The following CMTM8 variants were observed in gnomAD, a reference collection of about 807,000 sequenced individuals.
The protein encoded by CMTM8 is CKLF like MARVEL transmembrane domain containing 8.
CMTM8 carries 12 observed loss-of-function variants against 18.6 expected under a neutral mutation model. That is an observed-to-expected ratio of 0.65 (90% confidence interval 0.41 to 1.05). CMTM8 has a LOEUF of 1.05. Among genes scored for constraint, CMTM8 ranks in the 50% least tolerant of loss-of-function variants. The pLI, the probability that CMTM8 is intolerant of heterozygous loss-of-function variation, is 0.00. For missense variants in CMTM8, 217 were observed against 227.2 expected (o/e 0.95, Z 0.29); for synonymous variants, 87 against 90.6 (o/e 0.96, Z 0.23).
In CMTM8 at chr3:32,249,030, C is replaced by CTTTTTTTTTTT. The variant is rs58156524; in HGVS notation, c.147+9929_147+9939dup. Among the ~76,000 whole-genome samples, 2 of 62,456 alleles carry CTTTTTTTTTTT rather than the reference C, an allele frequency of 3.2e-5. 1 individual carries two copies. 41.0% of individuals were successfully genotyped at this position (62,456 alleles called of 152,430 possible). ...ATGGAGTTACTGGGTAATGTGGAAT[C>CTTTTTTTTTTT]TTTTTTTTTTTTTTTTTTTTTTTTT... On this transcript the variant is annotated intron_variant, in intron 1 of 3. Coordinates refer to ENST00000307526, the MANE Select transcript of CMTM8 (RefSeq NM_178868.5).
intron 1 of CMTM8, chr3:32,259,740 A>G (rs571250085): frequency 1.2e-4 from 117 of 972,872 alleles, no homozygotes; most frequent in Middle Eastern, 5.7e-4. Flanking sequence ...GAGGAGCTGG[A>G]CAAGTACTGG....
chr3:32,354,215 A>C (rs1165988730), intron 1 of CMTM8, among the ~76,000 whole-genome samples: 1 of 152,162 alleles, frequency 6.6e-6, no homozygotes, highest in African/African-American at 2.4e-5. Flanking sequence ...TTTGTAGTCT[A>C]AGCAAATACA....
chr3:32,280,599 TC>T (rs1702592177), intron 1 of CMTM8, among the ~76,000 whole-genome samples: 1 of 152,052 alleles, frequency 6.6e-6, no homozygotes, highest in African/African-American at 2.4e-5. Flanking sequence ...TTGAGCCCAC[TC>T]CCATACTGTG....
intron 1 of CMTM8, among the ~76,000 whole-genome samples, chr3:32,338,889 G>A (rs952468246): frequency 1.3e-5 from 2 of 152,200 alleles, no homozygotes; most frequent in African/African-American, 4.8e-5. Context: ...GTCACTTAAA[G>A]TTTAACTGGG....
intron 1 of CMTM8, among the ~76,000 whole-genome samples, chr3:32,253,666 A>T (rs1325190831): frequency 6.6e-6 from 1 of 151,080 alleles, no homozygotes; most frequent in Non-Finnish European, 1.5e-5. Context: ...TCATCTTTTT[A>T]AACTAATCGT....
chr3:32,349,642 C>G (rs73069458), intron 1 of CMTM8, among the ~76,000 whole-genome samples: 35,107 of 152,010 alleles, frequency 0.23, 5,113 homozygotes, highest in African/African-American at 0.41. Flanking sequence ...GCATCAAGTA[C>G]GTAGAGGACA....
At chr3:32,291,550 T>A (rs1231691185) in intron 1 of CMTM8, among the ~76,000 whole-genome samples, 1 of 152,176 alleles carries the variant, frequency 6.6e-6, no homozygotes, top group Non-Finnish European at 1.5e-5. Flanking sequence ...AAGTTGAGCC[T>A]TAGAAATGTT....
At chr3:32,262,693 A>G (rs1210728207) in intron 1 of CMTM8, among the ~76,000 whole-genome samples, 1 of 152,242 alleles carries the variant, frequency 6.6e-6, no homozygotes, top group Non-Finnish European at 1.5e-5. Flanking sequence ...TTAGTAGAAG[A>G]TAAAGTGAGC....
intron 1 of CMTM8, among the ~76,000 whole-genome samples, chr3:32,304,444 G>A (rs1209829493): frequency 6.6e-6 from 1 of 152,204 alleles, no homozygotes; most frequent in African/African-American, 2.4e-5. Context: ...ATGTATTCCA[G>A]CAGATCTTTG....
chr3:32,312,552 C>T (rs184215597), intron 1 of CMTM8, among the ~76,000 whole-genome samples: 1 of 152,252 alleles, frequency 6.6e-6, no homozygotes, highest in African/African-American at 2.4e-5. Context: ...TTGGGGGTCA[C>T]CACCCTCCTG....
At chr3:32,312,526 C>T (rs1695839845) in intron 1 of CMTM8, among the ~76,000 whole-genome samples, 1 of 152,166 alleles carries the variant, frequency 6.6e-6, no homozygotes, top group Non-Finnish European at 1.5e-5. Context: ...GGAGCAGGAG[C>T]TGTGTCCCCA....
chr3:32,255,543 G>T (rs1702164931), intron 1 of CMTM8, among the ~76,000 whole-genome samples: 1 of 151,998 alleles, frequency 6.6e-6, no homozygotes, highest in African/African-American at 2.4e-5. Context: ...GTACTTTCTT[G>T]ATTTTTCATT....
intron 1 of CMTM8, among the ~76,000 whole-genome samples, chr3:32,253,343 T>C (rs1181471356): frequency 1.8e-5 from 2 of 112,628 alleles, no homozygotes; most frequent in Non-Finnish European, 3.9e-5. Flanking sequence ...TGTCCCTTTA[T>C]CTTTTTTTTT....
At chr3:32,302,135 CAA>C (rs11425966) in intron 1 of CMTM8, among the ~76,000 whole-genome samples, 1 of 136,518 alleles carries the variant, frequency 7.3e-6, no homozygotes, top group Admixed American at 7.3e-5. Context: ...CCTGTCTCTA[CAA>C]AAAAAAAAAA....
chr3:32,364,559 G>T (rs1305843141), intron 2 of CMTM8, among the ~76,000 whole-genome samples: 1 of 152,138 alleles, frequency 6.6e-6, no homozygotes, highest in African/African-American at 2.4e-5. Context: ...TGTGTACAAG[G>T]CTGATTATAC....
intron 1 of CMTM8, among the ~76,000 whole-genome samples, chr3:32,273,364 AC>A (rs1443834355): frequency 6.6e-6 from 1 of 152,206 alleles, no homozygotes; most frequent in Non-Finnish European, 1.5e-5. Flanking sequence ...ATATACATAC[AC>A]ACACATGCTT....
rs1398586018 is a variant in CMTM8 at position 32,370,081 on chromosome 3, T to C, written c.*114T>C. 3 of 550,776 alleles carry C rather than the reference T, an allele frequency of 5.4e-6. No homozygotes were observed. The highest frequency in any genetic ancestry group is 9.2e-6 in the Non-Finnish European group (3 of 327,860). 34.1% of individuals were successfully genotyped at this position (550,776 alleles called of 1,614,324 possible). A position where few individuals can be genotyped will look rare whatever the true frequency, so the allele number is the denominator to read the frequency against. On this transcript the variant is annotated 3_prime_UTR_variant, in exon 4 of 4. Transcript: ENST00000307526. ...GTATTTAACTAATTAATGTTTTTTA[T>C]ATTCTTAAATTTGCTCACAAATTGT...
chr3:32,259,744 G>T, intron 1 of CMTM8: 2 of 968,876 alleles, frequency 2.1e-6, no homozygotes, highest in Admixed American at 3.4e-5. Flanking sequence ...AGCTGGACAA[G>T]TACTGGTCTC....
chr3:32,366,297 G>GA (rs1207856342), intron 2 of CMTM8, among the ~76,000 whole-genome samples: 1 of 152,128 alleles, frequency 6.6e-6, no homozygotes, highest in Non-Finnish European at 1.5e-5. Context: ...TTAGAGTTCA[G>GA]AAAAAATGGG....
Sources: gnomAD v4.1 joint callset for allele counts (sites outside exome capture counted in the v4.1 genomes callset) on GRCh38, gnomAD v4.1.1 for gene constraint, MANE v1.5 for transcripts, NCBI Gene and HGNC (gene_info 2026-07-23, HGNC 2026-07-21) for gene names.